The following INVS variants were observed in gnomAD, a reference collection of about 807,000 sequenced individuals.
INVS encodes inversion of embryo turning homolog.
In INVS, 86 loss-of-function variants were observed where a neutral mutation model predicts 108.8. That is an observed-to-expected ratio of 0.79 (90% CI 0.66 to 0.95). INVS has a LOEUF of 0.95. INVS is among the 40% of genes least tolerant of loss of function. The pLI, the probability that INVS is intolerant of heterozygous loss-of-function variation, is 0.00. For synonymous variants in INVS, 455 were observed against 473.5 expected (o/e 0.96, Z 0.51); for missense variants, 1,169 against 1,297.4 (o/e 0.90, Z 1.52).
chr9:100,249,589 G>A (rs193241047), intron 8 of INVS, among the ~76,000 whole-genome samples: 1 of 151,710 alleles, frequency 6.6e-6, no homozygotes, highest in African/African-American at 2.4e-5. Context: ...CCACCTCCCG[G>A]GTTCAAGTGA....
intron 13 of INVS, 96 bp downstream of exon 13, chr9:100,284,699 T>C (rs1833383943): frequency 1.6e-6 from 2 of 1,285,402 alleles, no homozygotes; most frequent in East Asian, 2.5e-5. Flanking sequence ...ATAATTGTTA[T>C]ATTAGCACCT....
Position 100,252,873 on chromosome 9 carries a change from A to G in INVS, c.1235-34A>G, listed in dbSNP as rs1166868335. 4.2e-6 allele frequency: 6 copies of G among 1,443,784 alleles called. No homozygotes were observed. In the South Asian group the frequency reaches 7.0e-5, roughly 17 times the overall value. The allele number at this position is 1,443,784 out of a possible 1,614,324, so 89.4% of individuals were successfully genotyped here. On this transcript the variant is annotated intron_variant, in intron 9 of 16. Transcript: ENST00000262457. Reference sequence around the variant, plus strand: ...ACTCATTTTAATAAAAGCTATTTATATTAGACATTCTCATTATATTTGTGC... The same window carrying G: ...ACTCATTTTAATAAAAGCTATTTATGTTAGACATTCTCATTATATTTGTGC...
intron 12 of INVS, 130 bp downstream of exon 12, chr9:100,273,206 C>T (rs985788101): frequency 1.2e-5 from 9 of 742,136 alleles, no homozygotes; most frequent in Non-Finnish European, 1.9e-5. Context: ...TCCCTGCAAC[C>T]GGTCATCTTC....
chr9:100,161,476 A>G (rs1829186158), intron 3 of INVS, among the ~76,000 whole-genome samples: 1 of 152,002 alleles, frequency 6.6e-6, no homozygotes. Flanking sequence ...TGGGCCTTAT[A>G]ATTCGTTCCT....
chr9:100,276,450 A>C (rs1833116721), intron 12 of INVS, among the ~76,000 whole-genome samples: 1 of 152,066 alleles, frequency 6.6e-6, no homozygotes, highest in South Asian at 2.1e-4. Flanking sequence ...GATTGTATGC[A>C]TTCCCCCTTT....
At position 100,246,612 on chromosome 9, in the gene INVS, A is replaced by C. The variant is rs765148031; in HGVS notation, c.907-4A>C. The C allele has an allele frequency of 2.5e-6, 4 of 1,610,238 alleles. No homozygotes were observed. The Admixed American group carries it at 5.0e-5, about 20-fold the overall frequency. On this transcript the variant is annotated splice_region_variant and splice_polypyrimidine_tract_variant and intron_variant, in intron 7 of 16. Transcript: ENST00000262457. ...TCCATTTTTTAAATCAAGTTTTCTT[A>C]CAGGAAACGGTTAAAGTGTTTTTAA...
intron 11 of INVS, among the ~76,000 whole-genome samples, chr9:100,271,583 G>A (rs1289983555): frequency 6.6e-6 from 1 of 152,120 alleles, no homozygotes; most frequent in African/African-American, 2.4e-5. Flanking sequence ...ATCCTCCCTA[G>A]AAGTTAAAGT....
At chr9:100,288,831 G>A (rs778733790) in intron 13 of INVS, among the ~76,000 whole-genome samples, 1 of 151,932 alleles carries the variant, frequency 6.6e-6, no homozygotes, top group African/African-American at 2.4e-5. Flanking sequence ...TCATCATGTT[G>A]CCCAGGCTGG....
Position 100,243,980 on chromosome 9 carries a change from C to T in INVS, c.906+1301C>T, listed in dbSNP as rs1218257269. On this transcript the variant is annotated intron_variant, in intron 7 of 16. Coordinates refer to ENST00000262457, the MANE Select transcript of INVS (RefSeq NM_014425.5). ...GAGCCAGGATAGCGCCACTATACTC[C>T]AGCCTGGGCGACAGAGCAAGACTTC... Among the ~76,000 whole-genome samples the T allele has an allele frequency of 2.0e-5, 3 of 152,126 alleles. 1 individual carries two copies. The highest frequency in any genetic ancestry group is 4.1e-4 in the South Asian group (2 of 4,822).
chr9:100,120,441 T>C, intron 2 of INVS: 2 of 181,738 alleles, frequency 1.1e-5, no homozygotes, highest in Admixed American at 1.1e-4. Flanking sequence ...ATTGTCATAA[T>C]TTCCTATTCT....
Position 100,175,923 on chromosome 9 carries a change from A to T in INVS, c.273+49374A>T, listed in dbSNP as rs1588062647. 6.9e-6 allele frequency: 4 copies of T among 583,462 alleles called. No individual in the cohort carries two copies. In the East Asian group the frequency reaches 1.7e-4, roughly 25 times the overall value. 36.1% of individuals were successfully genotyped at this position (583,462 alleles called of 1,614,324 possible). ...GTTCCAGCAAATTCTTCTCTCAGTG[A>T]CTTGGAGGCTGCCTTGGAAACTGCT... On this transcript the variant is annotated intron_variant, in intron 3 of 16. Coordinates refer to ENST00000262457, the MANE Select transcript of INVS (RefSeq NM_014425.5).
At chr9:100,185,800 A>T (rs1256996606) in intron 3 of INVS, among the ~76,000 whole-genome samples, 1 of 151,986 alleles carries the variant, frequency 6.6e-6, no homozygotes, top group African/African-American at 2.4e-5. Context: ...GAGAACATAC[A>T]GTATTTGATG....
At chr9:100,188,566 A>G (rs1335141022) in intron 3 of INVS, among the ~76,000 whole-genome samples, 2 of 151,056 alleles carry the variant, frequency 1.3e-5, no homozygotes, top group Non-Finnish European at 2.9e-5. Flanking sequence ...TGTTGGATTC[A>G]GTTTGCTGGT....
At chr9:100,265,462 C>T (rs1832761477) in intron 11 of INVS, among the ~76,000 whole-genome samples, 1 of 152,148 alleles carries the variant, frequency 6.6e-6, no homozygotes, top group Admixed American at 6.5e-5. Flanking sequence ...CATCTATTGC[C>T]TAGGGCAAGC....
In INVS at chr9:100,230,276, G is replaced by A. The variant is rs114768651; in HGVS notation, c.615+449G>A. The stretch of plus-strand genomic sequence containing the variant: ...CCATTACCTTTGAAGTCCTCTGAGT[G>A]GAGTACCTCTCAGTCTCATTCTATT... On this transcript the variant is annotated intron_variant, in intron 5 of 16. Coordinates refer to ENST00000262457, the MANE Select transcript of INVS (RefSeq NM_014425.5). Among the ~76,000 whole-genome samples the A allele has an allele frequency of 5.3e-3, 813 of 152,154 alleles. 9 individuals carry two copies. The highest frequency in any genetic ancestry group is 0.018 in the African/African-American group (766 of 41,486).
At chr9:100,151,511 A>G (rs1310365902) in intron 3 of INVS, among the ~76,000 whole-genome samples, 1 of 152,070 alleles carries the variant, frequency 6.6e-6, no homozygotes, top group East Asian at 1.9e-4. Context: ...TATACCTTAT[A>G]ATGAATGAGC....
Position 100,223,750 on chromosome 9 carries a change from T to A in INVS, c.274-2312T>A, listed in dbSNP as rs1831220608. Reference sequence around the variant, plus strand: ...AGCAGAGTCCGTTGGCTTTTCCACCTATTCCAAGTCTTCCCATCTAATATA... The same window carrying A: ...AGCAGAGTCCGTTGGCTTTTCCACCAATTCCAAGTCTTCCCATCTAATATA... On this transcript the variant is annotated intron_variant, in intron 3 of 16. Transcript: ENST00000262457. 2.0e-5 allele frequency among the ~76,000 whole-genome samples: 3 copies of A among 152,264 alleles called. No homozygotes were observed. The South Asian group carries it at 6.2e-4, about 31-fold the overall frequency.
At chr9:100,206,704 T>G (rs1259625988) in intron 3 of INVS, among the ~76,000 whole-genome samples, 1 of 152,012 alleles carries the variant, frequency 6.6e-6, no homozygotes, top group Non-Finnish European at 1.5e-5. Context: ...CTTACTTAGA[T>G]TTTGCCCATT....
intron 3 of INVS, among the ~76,000 whole-genome samples, chr9:100,192,871 G>C (rs1830262407): frequency 6.6e-6 from 1 of 151,612 alleles, no homozygotes; most frequent in Non-Finnish European, 1.5e-5. Context: ...GTGTGCTCAA[G>C]TCCTTTACCC....
Sources: gnomAD v4.1 joint callset for allele counts (sites outside exome capture counted in the v4.1 genomes callset) on GRCh38, gnomAD v4.1.1 for gene constraint, MANE v1.5 for transcripts, NCBI Gene and HGNC (gene_info 2026-07-23, HGNC 2026-07-21) for gene names.